IHH: variants seen among roughly 807,000 people sequenced by gnomAD.
The protein encoded by IHH is indian hedgehog protein.
In IHH, 9 loss-of-function variants were observed where a neutral mutation model predicts 29.4. The observed-to-expected ratio is 0.31, with a 90% CI of 0.18 to 0.53. The LOEUF (loss-of-function observed/expected upper bound fraction) is 0.53. Among genes scored for constraint, IHH ranks in the 20% least tolerant of loss-of-function variants. The probability of loss-of-function intolerance (pLI) is 0.95; values close to 1 mark genes in which losing one functional copy is unlikely to be tolerated. For synonymous variants in IHH, 254 were observed against 252.7 expected, an observed-to-expected ratio of 1.01 and a Z score of -0.05; for missense variants, 454 against 578.1, an observed-to-expected ratio of 0.79 and a Z score of 2.20.
rs769364495 is a variant in IHH at position 219,055,170 on chromosome 2, A to T, written c.*37T>A. ...TCCTGGCTGAGAGGCTTCTGGACCCAGTACAGCAGTTCCAGGAGGGCAGCG... is the reference window on the plus strand; with the variant it reads ...TCCTGGCTGAGAGGCTTCTGGACCCTGTACAGCAGTTCCAGGAGGGCAGCG... On this transcript the variant is annotated 3_prime_UTR_variant, in exon 3 of 3. Coordinates refer to ENST00000295731, the MANE Select transcript of IHH (RefSeq NM_002181.4). 1 of 1,549,534 alleles carries T rather than the reference A, an allele frequency of 6.5e-7. No homozygotes were observed. The highest frequency in any genetic ancestry group is 2.4e-5 in the East Asian group (1 of 40,932).
At position 219,060,557 on chromosome 2, in the gene IHH, T is replaced by C; in HGVS notation, c.-90A>G. On this transcript the variant is annotated 5_prime_UTR_variant, in exon 1 of 3. Coordinates refer to ENST00000295731, the MANE Select transcript of IHH (RefSeq NM_002181.4). This position sits in a 1 kb window ranked among gnomAD's most constrained non-coding sequence, Gnocchi z 8.8. Reference sequence around the variant, plus strand: ...CGGGAGCGCTGCGGGGGCTCAGGCGTCCGGGTGGCTCCGGGGGGCTCCAGG... The same window carrying C: ...CGGGAGCGCTGCGGGGGCTCAGGCGCCCGGGTGGCTCCGGGGGGCTCCAGG... The C allele has an allele frequency of 2.3e-6, 2 of 857,552 alleles. No individual in the cohort carries two copies. The highest frequency in any genetic ancestry group is 1.8e-5 in the African/African-American group (1 of 55,520). 53.1% of individuals were successfully genotyped at this position (857,552 alleles called of 1,614,324 possible). A position where few individuals can be genotyped will look rare whatever the true frequency, so the allele number is the denominator to read the frequency against.
Position 219,057,679 on chromosome 2 carries a change from G to C in IHH, c.331C>G (p.Leu111Val). 2.5e-6 allele frequency: 4 copies of C among 1,608,210 alleles called. No homozygotes were observed. The highest frequency in any genetic ancestry group is 3.4e-6 in the Non-Finnish European group (4 of 1,179,990). Residue 111 changes from leucine (L) to valine (V), a missense_variant, in exon 2 of 3, where the codon CTG (leucine) becomes GTG (valine). Leu to Val is a conservative substitution (Grantham distance 32). This residue lies in a region of IHH where 70 missense variants were observed against 140.1 expected (regional missense o/e 0.50). Coordinates refer to ENST00000295731, the MANE Select transcript of IHH (RefSeq NM_002181.4). ...RLMTQRCKDRLNSLAISVMNQ... is the reference protein window; with the variant it reads ...RLMTQRCKDRVNSLAISVMNQ... ...ATCACCGAGATAGCCAGCGAGTTCA[G>C]GCGGTCCTTGCAGCGCTGGGAGAGG...
chr2:219,057,989 C>T (rs1431466396), intron 1 of IHH, among the ~76,000 whole-genome samples: 1 of 152,262 alleles, frequency 6.6e-6, no homozygotes, highest in Admixed American at 6.5e-5. Context: ...CCCCTCTCTC[C>T]TGTGCTGTCT....
chr2:219,055,450 C>A lies in IHH; in HGVS notation c.993G>T (p.Pro331=). Residue 331 remains proline, a synonymous_variant, in exon 3 of 3, where the codon CCG becomes CCT. Coordinates refer to ENST00000295731, the MANE Select transcript of IHH (RefSeq NM_002181.4). ...CCACCAGTGTCCCATGCTTTGTGAGCGGGGCGTAGGCCCCGAGGGCCACGT... is the reference window on the plus strand; with the variant it reads ...CCACCAGTGTCCCATGCTTTGTGAGAGGGGCGTAGGCCCCGAGGGCCACGT... ...STHVALGAYA[P]LTKHGTLVVE... 6.2e-7 allele frequency: 1 copy of A among 1,611,890 alleles called. No homozygotes were observed. Among genetic ancestry groups the A allele is most frequent in the South Asian group, 1.1e-5 (1 of 91,060 alleles).
chr2:219,058,895 C>G (rs1948855067), intron 1 of IHH: 2 of 155,340 alleles, frequency 1.3e-5, no homozygotes, highest in African/African-American at 4.8e-5. Context: ...CCTCGCAGGT[C>G]CTCGCTGGTG....
In IHH at chr2:219,060,057, T is replaced by C. The variant is rs1055416277; in HGVS notation, c.315+96A>G. ...CGAGAGGGGCAGGTGCCAGGGAGCG[T>C]GCCAGCCAGTCGAGAAAATGTGCCA... On this transcript the variant is annotated intron_variant, in intron 1 of 2. Coordinates refer to ENST00000295731, the MANE Select transcript of IHH (RefSeq NM_002181.4). This position sits in a 1 kb window ranked among gnomAD's most constrained non-coding sequence, Gnocchi z 8.8. 1 of 1,100,778 alleles carries C rather than the reference T, an allele frequency of 9.1e-7. No individual in the cohort carries two copies. Among genetic ancestry groups the C allele is most frequent in the Non-Finnish European group, 1.3e-6 (1 of 755,014 alleles). The allele number at this position is 1,100,778 out of a possible 1,614,324, so 68.2% of individuals were successfully genotyped here. A position where few individuals can be genotyped will look rare whatever the true frequency, so the allele number is the denominator to read the frequency against.
In IHH at chr2:219,059,518, A is replaced by G. The variant is rs1307108143; in HGVS notation, c.315+635T>C. Among the ~76,000 whole-genome samples the G allele has an allele frequency of 6.6e-6, 1 of 150,896 alleles. No individual in the cohort carries two copies. The highest frequency in any genetic ancestry group is 1.9e-4 in the East Asian group (1 of 5,152). On this transcript the variant is annotated intron_variant, in intron 1 of 2. Transcript: ENST00000295731. The surrounding 1 kb of genome is among the most constrained non-coding windows in gnomAD (Gnocchi z 4.7). ...CAGAGCCCGAAGGCCCCAATAACCC[A>G]CCCTTCCACCGCAGTAGCACCCCTC...
chr2:219,054,956 A>T lies in IHH; in HGVS notation c.*251T>A. ...AGTTGGGAGTCGCCGTGCCAGCCTC[A>T]AGGTCTCTAGGAGAGAGGGGTCAAC... On this transcript the variant is annotated 3_prime_UTR_variant, in exon 3 of 3. Coordinates refer to ENST00000295731, the MANE Select transcript of IHH (RefSeq NM_002181.4). 1.8e-6 allele frequency: 1 copy of T among 546,430 alleles called. No homozygotes were observed. The highest frequency in any genetic ancestry group is 3.3e-6 in the Non-Finnish European group (1 of 306,120). The allele number at this position is 546,430 out of a possible 1,614,324, so 33.8% of individuals were successfully genotyped here.
In IHH at chr2:219,060,492, G is replaced by A. The variant is rs1948872089; in HGVS notation, c.-25C>T. 1 of 1,435,128 alleles carries A rather than the reference G, an allele frequency of 7.0e-7. No individual in the cohort carries two copies. Among genetic ancestry groups the A allele is most frequent in the Non-Finnish European group, 9.1e-7 (1 of 1,098,746 alleles). 88.9% of individuals were successfully genotyped at this position (1,435,128 alleles called of 1,614,324 possible). A position where few individuals can be genotyped will look rare whatever the true frequency, so the allele number is the denominator to read the frequency against. ...TGGCCGGGGAGCCCGGGGGAGCGGC[G>A]GGCGAGGTCTCCTGGTGGGCTGATG... is the stretch of plus-strand genomic sequence containing the variant. On this transcript the variant is annotated 5_prime_UTR_variant, in exon 1 of 3. Coordinates refer to ENST00000295731, the MANE Select transcript of IHH (RefSeq NM_002181.4). This position sits in a 1 kb window ranked among gnomAD's most constrained non-coding sequence, Gnocchi z 8.8.
Position 219,055,761 on chromosome 2 carries a change from G to A in IHH, c.682C>T (p.Arg228Cys). 6 of 1,613,676 alleles carry A rather than the reference G, an allele frequency of 3.7e-6. No homozygotes were observed. The highest frequency in any genetic ancestry group is 5.1e-6 in the Non-Finnish European group (6 of 1,179,966). The change falls in exon 3 of 3, where the codon CGT (arginine) becomes TGT (cysteine). Residue 228 changes from arginine (R) to cysteine (C), a missense_variant. This residue lies in a region of IHH where 271 missense variants were observed against 315.9 expected (regional missense o/e 0.86). Coordinates refer to ENST00000295731, the MANE Select transcript of IHH (RefSeq NM_002181.4). ...VALSAVRPGD[R>C]VLAMGEDGSP... ...CCATCCTCCCCCATGGCCAGCACAC[G>A]GTCTCCCGGCCTCACGGCTGACAAG...
Position 219,055,447 on chromosome 2 carries a change from G to A in IHH, c.996C>T (p.Leu332=), listed in dbSNP as rs944917865. Residue 332 remains leucine, a synonymous_variant, in exon 3 of 3, where the codon CTC becomes CTT. Transcript: ENST00000295731. The stretch of plus-strand genomic sequence containing the variant: ...CCACCACCAGTGTCCCATGCTTTGT[G>A]AGCGGGGCGTAGGCCCCGAGGGCCA... ...THVALGAYAP[L]TKHGTLVVED... 2 of 1,612,196 alleles carry A rather than the reference G, an allele frequency of 1.2e-6. No individual in the cohort carries two copies. The highest frequency in any genetic ancestry group is 1.7e-6 in the Non-Finnish European group (2 of 1,179,108).
In IHH at chr2:219,060,539, G is replaced by T; in HGVS notation, c.-72C>A. On this transcript the variant is annotated 5_prime_UTR_variant, in exon 1 of 3. Coordinates refer to ENST00000295731, the MANE Select transcript of IHH (RefSeq NM_002181.4). The surrounding 1 kb of genome is among the most constrained non-coding windows in gnomAD (Gnocchi z 8.8). ...GATGGGCAGGCGCGTCGACGGGAGC[G>T]CTGCGGGGGCTCAGGCGTCCGGGTG... 2 of 1,139,804 alleles carry T rather than the reference G, an allele frequency of 1.8e-6. No individual in the cohort carries two copies. Among genetic ancestry groups the T allele is most frequent in the Non-Finnish European group, 2.3e-6 (2 of 874,126 alleles). The allele number at this position is 1,139,804 out of a possible 1,614,324, so 70.6% of individuals were successfully genotyped here.
At chr2:219,058,390 C>A (rs1948849521) in intron 1 of IHH, among the ~76,000 whole-genome samples, 1 of 152,218 alleles carries the variant, frequency 6.6e-6, no homozygotes, top group Admixed American at 6.5e-5. Context: ...CAGAAACCGG[C>A]GGATTAGCGC....
chr2:219,055,279 G>A lies in IHH; in HGVS notation c.1164C>T (p.Leu388=). The change falls in exon 3 of 3, where the codon CTC becomes CTT. Residue 388 remains leucine, a synonymous_variant. Coordinates refer to ENST00000295731, the MANE Select transcript of IHH (RefSeq NM_002181.4). Reference sequence around the variant, plus strand: ...CTAGCAGGAGACGCCCCAGGCGGTAGAGCAGCTGGGGGTACCAATGCACAC... The same window carrying A: ...CTAGCAGGAGACGCCCCAGGCGGTAAAGCAGCTGGGGGTACCAATGCACAC... ...GEGVHWYPQL[L]YRLGRLLLEE... is the part of the protein sequence containing the mutation. 6.2e-7 allele frequency: 1 copy of A among 1,611,564 alleles called. No homozygotes were observed. The highest frequency in any genetic ancestry group is 8.5e-7 in the Non-Finnish European group (1 of 1,179,250).
Position 219,060,074 on chromosome 2 carries a change from A to T in IHH, c.315+79T>A, listed in dbSNP as rs946728806. On this transcript the variant is annotated intron_variant, in intron 1 of 2. Transcript: ENST00000295731. This position sits in a 1 kb window ranked among gnomAD's most constrained non-coding sequence, Gnocchi z 8.8. ...AGGGAGCGTGCCAGCCAGTCGAGAA[A>T]ATGTGCCAGGGGGTGGGTAGGGCCG... The T allele has an allele frequency of 2.8e-5, 36 of 1,286,676 alleles. 1 individual carries two copies. The highest frequency in any genetic ancestry group is 9.6e-5 in the Admixed American group (5 of 52,154). 79.7% of individuals were successfully genotyped at this position (1,286,676 alleles called of 1,614,324 possible).
rs560838947 is a variant in IHH, at chr2:219,059,575, G to A, written c.315+578C>T. Among the ~76,000 whole-genome samples the A allele has an allele frequency of 1.2e-4, 18 of 152,196 alleles. No homozygotes were observed. The highest frequency in any genetic ancestry group is 2.5e-4 in the Non-Finnish European group (17 of 68,014). Reference sequence around the variant, plus strand: ...CCGGACAGACACGTGGGCTCGCTGGGCAGGTTCCTTTTCCCACCTCCGCCT... The same window carrying A: ...CCGGACAGACACGTGGGCTCGCTGGACAGGTTCCTTTTCCCACCTCCGCCT... On this transcript the variant is annotated intron_variant, in intron 1 of 2. Transcript: ENST00000295731. The surrounding 1 kb of genome is among the most constrained non-coding windows in gnomAD (Gnocchi z 4.7).
rs748379688 is a variant in IHH at position 219,055,644 on chromosome 2, G to C, written c.799C>G (p.Arg267Gly). Residue 267 changes from arginine to glycine, a missense_variant, in exon 3 of 3, where the codon CGC becomes GGC. Physicochemically the swap from Arg to Gly is moderately radical, Grantham distance 125 (BLOSUM62 -2). Around this residue, in one of 3 missense-constraint regions of IHH, gnomAD observed 271 missense variants for 315.9 expected, o/e 0.86. Coordinates refer to ENST00000295731, the MANE Select transcript of IHH (RefSeq NM_002181.4). ...FQVIETQDPP[R>G]RLALTPAHLL... is the part of the protein sequence containing the mutation. ...TGAGCGGGTGTGAGTGCCAGGCGGCGTGGGGGGTCCTGAGTCTCGATGACC... is the reference window on the plus strand; with the variant it reads ...TGAGCGGGTGTGAGTGCCAGGCGGCCTGGGGGGTCCTGAGTCTCGATGACC... 4 of 1,613,964 alleles carry C rather than the reference G, an allele frequency of 2.5e-6. No homozygotes were observed. In the South Asian group the frequency reaches 4.4e-5, roughly 18 times the overall value.
chr2:219,055,112 C>T lies in IHH; in HGVS notation c.*95G>A. ...AGAGGAGATGGCAGGAGCCAGTGTC[C>T]CCCAGCTCAGGTCCCTTCCAGGGCC... On this transcript the variant is annotated 3_prime_UTR_variant, in exon 3 of 3. Transcript: ENST00000295731. 1.5e-6 allele frequency: 2 copies of T among 1,336,522 alleles called. No individual in the cohort carries two copies. The highest frequency in any genetic ancestry group is 1.3e-5 in the South Asian group (1 of 76,638). 82.8% of individuals were successfully genotyped at this position (1,336,522 alleles called of 1,614,324 possible).
In IHH at chr2:219,057,742, G is replaced by A. The variant is rs1353533222; in HGVS notation, c.316-48C>T. 2.5e-6 allele frequency: 4 copies of A among 1,597,982 alleles called. No individual in the cohort carries two copies. In the Admixed American group the frequency reaches 6.7e-5, roughly 27 times the overall value. On this transcript the variant is annotated intron_variant, in intron 1 of 2. Coordinates refer to ENST00000295731, the MANE Select transcript of IHH (RefSeq NM_002181.4). ...ATCAACCAGAGCGAAATCAGCCGGA[G>A]GAGCCGGCCGAGGTGCAGGTGTAGG...
Sources: gnomAD v4.1 joint callset for allele counts (sites outside exome capture counted in the v4.1 genomes callset) on GRCh38, gnomAD v4.1.1 for gene constraint, gnomAD v4.1.1 regional missense constraint, Gnocchi (gnomAD v3.1) non-coding constraint, MANE v1.5 for transcripts, NCBI Gene and HGNC (gene_info 2026-07-23, HGNC 2026-07-21) for gene names.